Variants in USP34 observed in about 807,000 individuals in gnomAD.
The protein encoded by USP34 is ubiquitin specific peptidase 34.
A neutral mutation model predicts 460.3 loss-of-function variants in USP34; 70 were observed. The observed-to-expected ratio is 0.15, with a 90% CI of 0.13 to 0.19. The LOEUF is 0.19. Among genes scored for constraint, USP34 ranks in the 10% least tolerant of loss-of-function variants. USP34 has a pLI of 1.00. For synonymous variants in USP34, 1,647 were observed against 1,405.3 expected, an observed-to-expected ratio of 1.17 and a Z score of -3.85; for missense variants, 3,985 against 4,236.2, an observed-to-expected ratio of 0.94 and a Z score of 1.65.
intron 23 of USP34, among the ~76,000 whole-genome samples, chr2:61,316,656 G>A (rs529828760): frequency 2.0e-5 from 3 of 151,602 alleles, no homozygotes; most frequent in African/African-American, 7.3e-5. Flanking sequence ...AGGCCAAGGC[G>A]GGTGGATCAC....
intron 41 of USP34, among the ~76,000 whole-genome samples, chr2:61,275,810 C>T (rs1245893302): frequency 6.6e-6 from 1 of 152,142 alleles, no homozygotes; most frequent in Non-Finnish European, 1.5e-5. Context: ...GTCTATGCCT[C>T]AGTTTCATCA....
intron 53 of USP34, among the ~76,000 whole-genome samples, chr2:61,237,226 TG>T (rs1688094069): frequency 6.6e-6 from 1 of 152,158 alleles, no homozygotes; most frequent in African/African-American, 2.4e-5. Context: ...CTGTAGCCCC[TG>T]TATCAGACTC....
At chr2:61,383,407 GAAA>G (rs1558562074) in intron 5 of USP34, 71 bp from the exon 6 acceptor site, 1 of 1,229,714 alleles carries the variant, frequency 8.1e-7, no homozygotes, top group African/African-American at 1.5e-5. Context: ...CTAAACTAAT[GAAA>G]AACAAGAGCA....
At chr2:61,268,261 G>A (rs1689111869) in intron 41 of USP34, among the ~76,000 whole-genome samples, 1 of 151,678 alleles carries the variant, frequency 6.6e-6, no homozygotes, top group Non-Finnish European at 1.5e-5. Context: ...CGGGTACAAT[G>A]GCTCACATCT....
chr2:61,248,815 G>T, intron 48 of USP34, 132 bp from the exon 49 acceptor site: 2 of 773,408 alleles, frequency 2.6e-6, no homozygotes, highest in Non-Finnish European at 3.8e-6. Flanking sequence ...CTTATCCACA[G>T]GGGATACCTT....
intron 27 of USP34, among the ~76,000 whole-genome samples, chr2:61,311,209 A>T (rs1690581609): frequency 6.6e-6 from 1 of 152,234 alleles, no homozygotes; most frequent in African/African-American, 2.4e-5. Flanking sequence ...TAATGCCATT[A>T]TAAAAGGGTC....
At chr2:61,458,665 T>A (rs938423059) in intron 1 of USP34, among the ~76,000 whole-genome samples, 1 of 145,252 alleles carries the variant, frequency 6.9e-6, no homozygotes, top group East Asian at 2.1e-4. Flanking sequence ...GGAATGAAGC[T>A]AGCAGAGGCT....
intron 34 of USP34, 79 bp from the exon 35 acceptor site, chr2:61,285,036 C>T: frequency 3.5e-6 from 4 of 1,132,324 alleles, no homozygotes; most frequent in South Asian, 3.1e-5. Flanking sequence ...GATTTAGTTA[C>T]TAAAGAGATG....
rs1695941204 is a variant in USP34 at position 61,470,907 on chromosome 2, G to A, written c.-215C>T. 1 of 203,992 alleles carries A rather than the reference G, an allele frequency of 4.9e-6. No homozygotes were observed. Among genetic ancestry groups the A allele is most frequent in the South Asian group, 8.0e-5 (1 of 12,576 alleles). The allele number at this position is 203,992 out of a possible 1,614,324, so 12.6% of individuals were successfully genotyped here. ...CGGGAGGGGGAGAGGAGGGGAGCGAGGGGAGGTGCGCAGGCCGGAGGGGCG... is the reference window on the plus strand; with the variant it reads ...CGGGAGGGGGAGAGGAGGGGAGCGAAGGGAGGTGCGCAGGCCGGAGGGGCG... On this transcript the variant is annotated 5_prime_UTR_variant, in exon 1 of 80. Transcript: ENST00000398571.
intron 75 of USP34, among the ~76,000 whole-genome samples, chr2:61,197,593 T>A (rs1242382762): frequency 2.0e-5 from 3 of 152,176 alleles, no homozygotes; most frequent in Admixed American, 6.5e-5. Context: ...TATTGTTTAC[T>A]TAATACTTAC....
intron 75 of USP34, among the ~76,000 whole-genome samples, chr2:61,199,391 G>A (rs1357699243): frequency 1.3e-5 from 2 of 152,116 alleles, no homozygotes; most frequent in African/African-American, 4.8e-5. Context: ...GAGTAGCTGG[G>A]ATTTCAAGTG....
intron 19 of USP34, 40 bp from the exon 20 acceptor site, chr2:61,331,411 G>A (rs1691257248): frequency 2.6e-6 from 4 of 1,541,516 alleles, no homozygotes; most frequent in Non-Finnish European, 3.5e-6. Flanking sequence ...AAAGTGGGCA[G>A]GGTAAGAGAA....
At chr2:61,378,461 C>T (rs747182011) in intron 7 of USP34, 37 bp from the exon 8 acceptor site, 7 of 1,457,652 alleles carry the variant, frequency 4.8e-6, no homozygotes, top group African/African-American at 1.4e-5. Context: ...GTTTTTATTT[C>T]CAAAATTATT....
intron 29 of USP34, 36 bp from the exon 30 acceptor site, chr2:61,296,961 A>G (rs1690047544): frequency 1.3e-6 from 2 of 1,561,016 alleles, no homozygotes; most frequent in Non-Finnish European, 1.7e-6. Context: ...ATCAAAACAG[A>G]TCAGAAAAGA....
At chr2:61,394,514 G>A (rs567669550) in intron 5 of USP34, among the ~76,000 whole-genome samples, 7 of 139,764 alleles carry the variant, frequency 5.0e-5, no homozygotes, top group Non-Finnish European at 7.6e-5. Flanking sequence ...CCTAAACAAC[G>A]GAGTGAGACC....
intron 1 of USP34, among the ~76,000 whole-genome samples, chr2:61,428,116 G>C (rs1694563229): frequency 6.8e-6 from 1 of 148,126 alleles, no homozygotes; most frequent in Non-Finnish European, 1.5e-5. Flanking sequence ...AGTGAACCAA[G>C]ATTGCGCCAC....
At chr2:61,209,941 A>C (rs1425802303) in intron 69 of USP34, among the ~76,000 whole-genome samples, 1 of 152,206 alleles carries the variant, frequency 6.6e-6, no homozygotes, top group Non-Finnish European at 1.5e-5. Flanking sequence ...AAAACATTTA[A>C]AAAGAAAAAA....
At chr2:61,227,252 A>G in intron 61 of USP34, 34 bp from the exon 62 acceptor site, 1 of 1,569,950 alleles carries the variant, frequency 6.4e-7, no homozygotes, top group Non-Finnish European at 8.6e-7. Context: ...TTAATACGGT[A>G]GTAGTTTTAA....
chr2:61,259,645 C>G, intron 44 of USP34, 66 bp downstream of exon 44: 1 of 1,528,430 alleles, frequency 6.5e-7, no homozygotes, highest in South Asian at 1.1e-5. Flanking sequence ...CTTGGCCTCC[C>G]AAAATGCTAT....
Sources: gnomAD v4.1 joint callset for allele counts (sites outside exome capture counted in the v4.1 genomes callset) on GRCh38, gnomAD v4.1.1 for gene constraint, MANE v1.5 for transcripts, NCBI Gene and HGNC (gene_info 2026-07-23, HGNC 2026-07-21) for gene names.